The following MALRD1 variants were observed in gnomAD, a reference collection of about 807,000 sequenced individuals.
MALRD1 encodes MAM and LDL receptor class A domain containing 1.
A neutral mutation model predicts 242.1 loss-of-function variants in MALRD1; 247 were observed. That is an observed-to-expected ratio of 1.02 (90% CI 0.92 to 1.13). MALRD1 has a LOEUF of 1.13. Among genes scored for constraint, MALRD1 ranks in the 50% most tolerant of loss-of-function variants. The pLI is 0.00. For missense variants in MALRD1, 2,989 were observed against 2,533.1 expected (o/e 1.18, Z -3.86); for synonymous variants, 995 against 866.6 (o/e 1.15, Z -2.60).
chr10:19,073,453 C>T (rs1835220774), intron 2 of MALRD1, among the ~76,000 whole-genome samples: 2 of 151,876 alleles, frequency 1.3e-5, no homozygotes, highest in South Asian at 2.1e-4. Flanking sequence ...CAAAGTGCTC[C>T]GAAATTGGAA....
chr10:19,268,902 A>G (rs1840078693), intron 19 of MALRD1, among the ~76,000 whole-genome samples: 1 of 152,216 alleles, frequency 6.6e-6, no homozygotes, highest in African/African-American at 2.4e-5. Context: ...ACATCTACTT[A>G]TGAAATCTTC....
chr10:19,378,716 T>C (rs529288120), intron 26 of MALRD1, among the ~76,000 whole-genome samples: 1 of 152,308 alleles, frequency 6.6e-6, no homozygotes, highest in Admixed American at 6.5e-5. Flanking sequence ...CAGAACTTTA[T>C]TGGCTAATTT....
chr10:19,431,474 C>A (rs1834124336), intron 28 of MALRD1, among the ~76,000 whole-genome samples: 1 of 152,122 alleles, frequency 6.6e-6, no homozygotes, highest in South Asian at 2.1e-4. Context: ...TATATGTATA[C>A]AGTATAGACT....
intron 31 of MALRD1, among the ~76,000 whole-genome samples, chr10:19,524,540 G>A (rs1363478733): frequency 7.2e-5 from 11 of 152,174 alleles, no homozygotes; most frequent in South Asian, 4.1e-4. Flanking sequence ...GATTGAGAGC[G>A]TTTCACCTGA....
At chr10:19,331,635 A>G in intron 24 of MALRD1, 53 bp downstream of exon 24, 2 of 1,347,884 alleles carry the variant, frequency 1.5e-6, no homozygotes, top group East Asian at 2.5e-5. Context: ...CCACAGCCTT[A>G]CTCAATATCT....
intron 1 of MALRD1, among the ~76,000 whole-genome samples, chr10:19,060,240 A>T (rs915571542): frequency 1.3e-5 from 2 of 150,330 alleles, no homozygotes; most frequent in African/African-American, 4.8e-5. Flanking sequence ...CAGTTGTTTT[A>T]TGTACGTTAT....
chr10:19,277,111 A>G (rs959480045), intron 19 of MALRD1, among the ~76,000 whole-genome samples: 1 of 151,914 alleles, frequency 6.6e-6, no homozygotes, highest in Admixed American at 6.6e-5. Flanking sequence ...ATTTTTGTAG[A>G]GATGAGGTTT....
intron 13 of MALRD1, among the ~76,000 whole-genome samples, chr10:19,168,904 A>G (rs1189935250): frequency 6.6e-6 from 1 of 152,040 alleles, no homozygotes; most frequent in Non-Finnish European, 1.5e-5. Context: ...TCCCCACTTA[A>G]TCTGCCTATG....
chr10:19,351,460 T>G (rs1844374674), intron 25 of MALRD1, among the ~76,000 whole-genome samples: 1 of 152,194 alleles, frequency 6.6e-6, no homozygotes, highest in African/African-American at 2.4e-5. Context: ...AAGTAAAATT[T>G]GGATAATTAC....
At chr10:19,584,686 A>G (rs765130896) in intron 33 of MALRD1, among the ~76,000 whole-genome samples, 1 of 151,834 alleles carries the variant, frequency 6.6e-6, no homozygotes, top group Non-Finnish European at 1.5e-5. Context: ...TGGTGCTGAA[A>G]AAAATGTATA....
intron 21 of MALRD1, among the ~76,000 whole-genome samples, chr10:19,310,949 T>G (rs1168499166): frequency 6.6e-6 from 1 of 151,476 alleles, no homozygotes; most frequent in Non-Finnish European, 1.5e-5. Context: ...ACTGACTAAT[T>G]TACTTTTTAG....
chr10:19,185,973 C>G (rs1835722582), intron 14 of MALRD1, among the ~76,000 whole-genome samples: 1 of 152,022 alleles, frequency 6.6e-6, no homozygotes, highest in Admixed American at 6.6e-5. Flanking sequence ...ATGTGTCTCT[C>G]TGTATAATTA....
At chr10:19,495,062 C>T (rs11010173) in intron 30 of MALRD1, among the ~76,000 whole-genome samples, 6,558 of 151,882 alleles carry the variant, frequency 0.043, 200 homozygotes, top group Middle Eastern at 0.075. Flanking sequence ...CTGCAACCTC[C>T]GTCTCCCAGG....
chr10:19,592,927 G>A (rs1034725445), intron 33 of MALRD1, among the ~76,000 whole-genome samples: 3 of 151,140 alleles, frequency 2.0e-5, no homozygotes, highest in Non-Finnish European at 2.9e-5. Flanking sequence ...CTAGATTCTC[G>A]TTATATGCAA....
intron 26 of MALRD1, among the ~76,000 whole-genome samples, chr10:19,364,920 G>T (rs965341487): frequency 6.6e-6 from 1 of 152,080 alleles, no homozygotes; most frequent in African/African-American, 2.4e-5. Flanking sequence ...TCTTTGGAAA[G>T]AATATTGGGG....
intron 19 of MALRD1, among the ~76,000 whole-genome samples, chr10:19,264,355 C>T (rs930416857): frequency 3.3e-5 from 5 of 151,952 alleles, no homozygotes; most frequent in Admixed American, 6.6e-5. Context: ...TGAGGATTTG[C>T]ATCTATATTC....
At chr10:19,050,119 G>A (rs1188722979) in intron 1 of MALRD1, among the ~76,000 whole-genome samples, 4 of 119,688 alleles carry the variant, frequency 3.3e-5, no homozygotes, top group Admixed American at 2.2e-4. Context: ...ACGGAGTCTC[G>A]CTCTGTCGCC....
intron 36 of MALRD1, among the ~76,000 whole-genome samples, chr10:19,680,679 A>T (rs1842330749): frequency 6.6e-6 from 1 of 152,130 alleles, no homozygotes; most frequent in Non-Finnish European, 1.5e-5. Context: ...TCCTGTCATC[A>T]TGATGCTAGC....
intron 17 of MALRD1, among the ~76,000 whole-genome samples, chr10:19,207,967 C>T (rs182329274): frequency 3.9e-5 from 6 of 152,240 alleles, no homozygotes; most frequent in South Asian, 2.1e-4. Context: ...CTGTTACAAT[C>T]GATCTGATAA....
Sources: allele counts gnomAD v4.1 joint callset (sites outside exome capture counted in the v4.1 genomes callset), GRCh38; gene constraint gnomAD v4.1.1; transcripts MANE v1.5; gene names NCBI Gene and HGNC (gene_info 2026-07-23, HGNC 2026-07-21).